The following DCC variants were observed in gnomAD, a reference collection of about 807,000 sequenced individuals.
DCC encodes the protein DCC netrin 1 receptor.
Under a neutral mutation model 172.5 loss-of-function variants are expected in DCC, and 58 were observed. That is an observed-to-expected ratio of 0.34 (90% CI 0.27 to 0.42). DCC has a LOEUF of 0.42. DCC is among the 10% of genes least tolerant of loss of function. The probability of loss-of-function intolerance (pLI) is 1.00; values close to 1 mark genes in which losing one functional copy is unlikely to be tolerated. For synonymous variants in DCC, 709 were observed against 644.5 expected, an observed-to-expected ratio of 1.10 and a Z score of -1.52; for missense variants, 1,740 against 1,791.0, an observed-to-expected ratio of 0.97 and a Z score of 0.51.
In DCC at chr18:52,643,637, T is replaced by C. The variant is rs73457859; in HGVS notation, c.92-108417T>C. On this transcript the variant is annotated intron_variant, in intron 1 of 28. Transcript: ENST00000442544. ...TATTTGGAGATAGAAGAAAATAGGATTGAAAGGACCAGTCTGTGCCATGGC... is the reference window on the plus strand; with the variant it reads ...TATTTGGAGATAGAAGAAAATAGGACTGAAAGGACCAGTCTGTGCCATGGC... Among the ~76,000 whole-genome samples the C allele has an allele frequency of 3.0e-3, 453 of 152,314 alleles. 1 individual carries two copies. Among genetic ancestry groups the C allele is most frequent in the African/African-American group, 0.01 (418 of 41,582 alleles).
intron 5 of DCC, among the ~76,000 whole-genome samples, chr18:52,973,380 A>G (rs967187138): frequency 1.3e-5 from 2 of 152,224 alleles, no homozygotes; most frequent in Non-Finnish European, 2.9e-5. Flanking sequence ...ACTAAATAAT[A>G]CGATGCTCAT....
At chr18:52,443,323 G>A (rs905360141) in intron 1 of DCC, among the ~76,000 whole-genome samples, 10 of 152,140 alleles carry the variant, frequency 6.6e-5, no homozygotes, top group African/African-American at 2.4e-4. Flanking sequence ...TAAGCACTAA[G>A]CTCTGCTGTA....
At chr18:53,288,230 CAACA>C (rs2144743014) in intron 12 of DCC, among the ~76,000 whole-genome samples, 1 of 152,166 alleles carries the variant, frequency 6.6e-6, no homozygotes, top group Admixed American at 6.5e-5. Context: ...ATTAAAGGAT[CAACA>C]AACCTTTTCA....
chr18:52,410,256 T>G (rs982906018), intron 1 of DCC, among the ~76,000 whole-genome samples: 8 of 152,052 alleles, frequency 5.3e-5, no homozygotes, highest in African/African-American at 1.9e-4. Context: ...ATATCCCATC[T>G]CTCTGAATAA....
intron 2 of DCC, among the ~76,000 whole-genome samples, chr18:52,829,763 T>C (rs1391463035): frequency 6.6e-6 from 1 of 152,108 alleles, no homozygotes; most frequent in Non-Finnish European, 1.5e-5. Flanking sequence ...GGGGATATAG[T>C]AGAGAACACA....
intron 2 of DCC, chr18:52,754,031 T>C (rs2037039061): frequency 2.0e-5 from 3 of 152,154 alleles, no homozygotes; most frequent in Admixed American, 2.0e-4. Context: ...ATAAAAACAA[T>C]ATTGAATCAT....
intron 8 of DCC, among the ~76,000 whole-genome samples, chr18:53,168,335 C>G (rs576425386): frequency 6.6e-6 from 1 of 152,032 alleles, no homozygotes; most frequent in South Asian, 2.1e-4. Flanking sequence ...CAGTGATAGA[C>G]TGGAAAAAGA....
intron 26 of DCC, 104 bp from the exon 27 acceptor site, chr18:53,499,194 A>T: frequency 8.7e-7 from 1 of 1,146,358 alleles, no homozygotes; most frequent in African/African-American, 1.5e-5. Context: ...GACTGACCAC[A>T]TCCTATCACA....
chr18:53,284,334 C>T (rs1255616341), intron 12 of DCC, among the ~76,000 whole-genome samples: 2 of 152,144 alleles, frequency 1.3e-5, no homozygotes, highest in African/African-American at 2.4e-5. Flanking sequence ...CCCACAATCC[C>T]ACATGTTGTG....
chr18:53,023,639 G>T (rs1352773492), intron 5 of DCC, among the ~76,000 whole-genome samples: 1 of 152,138 alleles, frequency 6.6e-6, no homozygotes, highest in African/African-American at 2.4e-5. Context: ...TTTGAGAGAT[G>T]CTTCTTCATT....
chr18:53,067,081 G>A (rs1286547069), intron 7 of DCC, among the ~76,000 whole-genome samples: 1 of 152,132 alleles, frequency 6.6e-6, no homozygotes, highest in Non-Finnish European at 1.5e-5. Flanking sequence ...ACTGGGGATT[G>A]CAATTAGACA....
chr18:52,393,949 A>T (rs1986123160), intron 1 of DCC, among the ~76,000 whole-genome samples: 1 of 152,018 alleles, frequency 6.6e-6, no homozygotes, highest in South Asian at 2.1e-4. Flanking sequence ...GCGTATTTTA[A>T]TTCTCAATTC....
At chr18:53,089,077 T>TTTG (rs1356732194) in intron 7 of DCC, among the ~76,000 whole-genome samples, 4 of 152,134 alleles carry the variant, frequency 2.6e-5, no homozygotes, top group South Asian at 4.1e-4. Context: ...TACTCACTTT[T>TTTG]TTGTTGTTGT....
At chr18:52,634,364 A>G (rs375655545) in intron 1 of DCC, among the ~76,000 whole-genome samples, 65 of 152,360 alleles carry the variant, frequency 4.3e-4, no homozygotes, top group African/African-American at 1.5e-3. Context: ...TAGCACATGT[A>G]GTATTTGTAT....
chr18:53,428,716 T>A (rs1302410551), intron 21 of DCC, among the ~76,000 whole-genome samples: 1 of 61,610 alleles, frequency 1.6e-5, no homozygotes, highest in Non-Finnish European at 3.2e-5. Context: ...ATATTATATA[T>A]ATTTATATAT....
At chr18:52,593,324 C>A (rs558939603) in intron 1 of DCC, among the ~76,000 whole-genome samples, 221 of 152,288 alleles carry the variant, frequency 1.5e-3, no homozygotes, top group Middle Eastern at 0.01. Context: ...GTGTGATCTG[C>A]ATCCTCCCAC....
At chr18:53,094,818 T>C (rs1265522589) in intron 7 of DCC, among the ~76,000 whole-genome samples, 1 of 152,162 alleles carries the variant, frequency 6.6e-6, no homozygotes, top group East Asian at 1.9e-4. Context: ...TCTATTATTC[T>C]AATTATATTT....
chr18:53,072,760 T>C (rs769128740), intron 7 of DCC, among the ~76,000 whole-genome samples: 1 of 152,214 alleles, frequency 6.6e-6, no homozygotes, highest in Non-Finnish European at 1.5e-5. Flanking sequence ...GGGCAAGATA[T>C]AGGGTCTATG....
At chr18:52,985,226 T>C (rs996433095) in intron 5 of DCC, among the ~76,000 whole-genome samples, 5 of 152,134 alleles carry the variant, frequency 3.3e-5, no homozygotes, top group African/African-American at 4.8e-5. Context: ...GTTTCCTTTT[T>C]GGTTTTTGTC....
Sources: allele counts gnomAD v4.1 joint callset (sites outside exome capture counted in the v4.1 genomes callset), GRCh38; gene constraint gnomAD v4.1.1; transcripts MANE v1.5; gene names NCBI Gene and HGNC (gene_info 2026-07-23, HGNC 2026-07-21).